KDM5A: variants seen among roughly 807,000 people sequenced by gnomAD.
KDM5A encodes the protein lysine-specific demethylase 5A.
A neutral mutation model predicts 193.5 loss-of-function variants in KDM5A; 42 were observed. That is an observed-to-expected ratio of 0.22 (90% CI 0.17 to 0.28). KDM5A has a LOEUF of 0.28. KDM5A is among the 10% of genes least tolerant of loss of function. The pLI is 1.00. For missense variants in KDM5A, 1,692 were observed against 2,055.1 expected, an observed-to-expected ratio of 0.82 and a Z score of 3.42; for synonymous variants, 796 against 718.1, an observed-to-expected ratio of 1.11 and a Z score of -1.73.
chr12:325,005 G>C (rs781484605), intron 14 of KDM5A, among the ~76,000 whole-genome samples: 1 of 152,128 alleles, frequency 6.6e-6, no homozygotes, highest in Non-Finnish European at 1.5e-5. Context: ...TCTGCAATAA[G>C]AGCAAACTCT....
At chr12:326,622 G>A (rs1019615173) in intron 14 of KDM5A, among the ~76,000 whole-genome samples, 6 of 152,342 alleles carry the variant, frequency 3.9e-5, no homozygotes, top group Admixed American at 3.3e-4. Context: ...AGCACTTTGG[G>A]AGGCCGAGGT....
intron 3 of KDM5A, among the ~76,000 whole-genome samples, chr12:379,449 G>A (rs148089050): frequency 6.1e-5 from 8 of 132,022 alleles, no homozygotes; most frequent in African/African-American, 2.4e-4. Context: ...CTTGATCTGC[G>A]TGATGGCTAC....
In KDM5A at chr12:293,052, T is replaced by C; in HGVS notation, c.4573A>G (p.Lys1525Glu). Residue 1525 changes from lysine to glutamate, a missense_variant, in exon 27 of 28, where the codon AAG becomes GAG. Coordinates refer to ENST00000399788, the MANE Select transcript of KDM5A (RefSeq NM_001042603.3). ...GGTTTGTCCATTTTCTTTAACTCCT[T>C]GGACTTCTGTTTTCCTTCTCCAAAA... is the stretch of plus-strand genomic sequence containing the variant. ...QLFGEGKQKS[K>E]ELKKMDKPRK... 1 of 1,587,006 alleles carries C rather than the reference T, an allele frequency of 6.3e-7. No homozygotes were observed. The highest frequency in any genetic ancestry group is 8.5e-7 in the Non-Finnish European group (1 of 1,172,956).
At chr12:287,143 C>T (rs1316450982) in intron 27 of KDM5A, among the ~76,000 whole-genome samples, 1 of 152,192 alleles carries the variant, frequency 6.6e-6, no homozygotes, top group Non-Finnish European at 1.5e-5. Context: ...AAACGTTCTG[C>T]ACCTTGATAC....
chr12:364,678 G>A (rs538419939), intron 4 of KDM5A, among the ~76,000 whole-genome samples: 61 of 149,276 alleles, frequency 4.1e-4, no homozygotes, highest in African/African-American at 1.4e-3. Flanking sequence ...CCAGCTACTC[G>A]GGAGGCTGAG....
At chr12:326,753 C>A (rs1183797402) in intron 14 of KDM5A, among the ~76,000 whole-genome samples, 2 of 149,846 alleles carry the variant, frequency 1.3e-5, no homozygotes, top group African/African-American at 4.9e-5. Context: ...CCCAGCTACT[C>A]GGGAGGCTGA....
chr12:333,675 T>C (rs918675641), intron 11 of KDM5A, 26 bp from the exon 12 acceptor site: 32 of 1,609,716 alleles, frequency 2.0e-5, no homozygotes, highest in Non-Finnish European at 2.7e-5. Context: ...ACTGTTTAGC[T>C]AGGCAGAACA....
rs1944215861 is a variant in KDM5A, at chr12:355,129, T to C, written c.870+29A>G. On this transcript the variant is annotated intron_variant, in intron 7 of 27. Transcript: ENST00000399788. ...AAAACTATAATAAAAATAAATCCTT[T>C]CCCTCCTGACAGACCCCAAAACACT... 4 of 1,289,690 alleles carry C rather than the reference T, an allele frequency of 3.1e-6. 1 individual carries two copies. The South Asian group carries it at 4.7e-5, about 15-fold the overall frequency. The allele number at this position is 1,289,690 out of a possible 1,614,324, so 79.9% of individuals were successfully genotyped here. A position where few individuals can be genotyped will look rare whatever the true frequency, so the allele number is the denominator to read the frequency against.
intron 15 of KDM5A, 78 bp downstream of exon 15, chr12:323,522 A>C: frequency 7.3e-7 from 1 of 1,361,422 alleles, no homozygotes; most frequent in South Asian, 1.2e-5. Flanking sequence ...GGAGTAAAGT[A>C]AGGGAATAAG....
rs1943158969 is a variant in KDM5A at position 281,987 on chromosome 12, A to G, written c.*3469T>C. The G allele has an allele frequency of 1.8e-5, 5 of 283,132 alleles. No homozygotes were observed. The East Asian group carries it at 2.9e-4, about 17-fold the overall frequency. 17.5% of individuals were successfully genotyped at this position (283,132 alleles called of 1,614,324 possible). A position where few individuals can be genotyped will look rare whatever the true frequency, so the allele number is the denominator to read the frequency against. ...ATGCTAACCTTACAGCTCAGCCTGC[A>G]CAGAAGCGCAGAAGCAAAGCCCAGG... On this transcript the variant is annotated 3_prime_UTR_variant, in exon 28 of 28. Coordinates refer to ENST00000399788, the MANE Select transcript of KDM5A (RefSeq NM_001042603.3).
chr12:322,647 C>T, intron 16 of KDM5A, 80 bp from the exon 17 acceptor site: 6 of 1,143,324 alleles, frequency 5.2e-6, no homozygotes, highest in Non-Finnish European at 6.5e-6. Flanking sequence ...CAACCTCACT[C>T]AAGTGAGTCC....
At position 323,127 on chromosome 12, in the gene KDM5A, T is replaced by C. The variant is rs773728472; in HGVS notation, c.2230A>G (p.Ser744Gly). 2 of 1,594,734 alleles carry C rather than the reference T, an allele frequency of 1.3e-6. No homozygotes were observed. The highest frequency in any genetic ancestry group is 1.7e-6 in the Non-Finnish European group (2 of 1,173,362). Residue 744 changes from serine to glycine, a missense_variant, in exon 16 of 28, where the codon AGT becomes GGT. Transcript: ENST00000399788. ...GCAGACAATGCTTCTGTAACACGAC[T>C]GACCCAAGTGTCATAGGACTGTGCC... is the stretch of plus-strand genomic sequence containing the variant. The part of the protein sequence containing the change: ...VRAQSYDTWV[S>G]RVTEALSANF...
At chr12:376,235 G>A (rs1047122343) in intron 3 of KDM5A, among the ~76,000 whole-genome samples, 2 of 152,188 alleles carry the variant, frequency 1.3e-5, no homozygotes, top group African/African-American at 2.4e-5. Context: ...CACCCAGTTC[G>A]AGCTTCTGGG....
Position 292,910 on chromosome 12 carries a change from T to A in KDM5A, c.4715A>T (p.Lys1572Ile). 6.2e-7 allele frequency: 1 copy of A among 1,614,170 alleles called. No homozygotes were observed. Among genetic ancestry groups the A allele is most frequent in the South Asian group, 1.1e-5 (1 of 91,090 alleles). ...KKKKEKAAAA[K>I]VELVKESTEK... ...AGTGCTCTCTTTCACAAGTTCAACT[T>A]TGGCTGCAGCAGCCTTCTCCTTCTT... Residue 1572 changes from lysine to isoleucine, a missense_variant, in exon 27 of 28, where the codon AAA becomes ATA. Physicochemically the swap from Lys to Ile is moderately radical, Grantham distance 102. This residue lies in a region of KDM5A where 965 missense variants were observed against 1,061.0 expected (regional missense o/e 0.91). Coordinates refer to ENST00000399788, the MANE Select transcript of KDM5A (RefSeq NM_001042603.3).
At chr12:355,690 A>C (rs1173642235) in intron 6 of KDM5A, among the ~76,000 whole-genome samples, 1 of 152,234 alleles carries the variant, frequency 6.6e-6, no homozygotes, top group Admixed American at 6.6e-5. Flanking sequence ...AGTAAGTCTT[A>C]TTACATGGGA....
At chr12:340,215 T>C (rs920147663) in intron 10 of KDM5A, among the ~76,000 whole-genome samples, 11 of 151,970 alleles carry the variant, frequency 7.2e-5, no homozygotes, top group Non-Finnish European at 1.0e-4. Context: ...ATAAAAGACA[T>C]TGCGACTCCA....
At chr12:373,253 A>G (rs776778337) in intron 3 of KDM5A, among the ~76,000 whole-genome samples, 36 of 152,218 alleles carry the variant, frequency 2.4e-4, no homozygotes, top group Admixed American at 2.4e-3. Context: ...GCTATTAATT[A>G]TTGCCTCAAT....
chr12:384,919 G>A (rs545591956), intron 2 of KDM5A, among the ~76,000 whole-genome samples: 1 of 152,344 alleles, frequency 6.6e-6, no homozygotes, highest in Admixed American at 6.5e-5. Flanking sequence ...GCCAGGCGCG[G>A]TAGCTCACGC....
At position 324,706 on chromosome 12, in the gene KDM5A, C is replaced by T. The variant is rs1023495607; in HGVS notation, c.1969-925G>A. 3.3e-5 allele frequency among the ~76,000 whole-genome samples: 5 copies of T among 151,826 alleles called. No homozygotes were observed. In the South Asian group the frequency reaches 8.3e-4, roughly 25 times the overall value. ...TGGCCAATATGGCAAAACTTCATCT[C>T]TACTAAAAATACAAAAGTTAGCCGG... On this transcript the variant is annotated intron_variant, in intron 14 of 27. Transcript: ENST00000399788.
Sources: allele counts gnomAD v4.1 joint callset (sites outside exome capture counted in the v4.1 genomes callset), GRCh38; gene constraint gnomAD v4.1.1; regional missense constraint gnomAD v4.1.1; transcripts MANE v1.5; gene names NCBI Gene and HGNC (gene_info 2026-07-23, HGNC 2026-07-21).